SLC24A3: variants seen among roughly 807,000 people sequenced by gnomAD.
SLC24A3 encodes solute carrier family 24 member 3, also known as sodium/potassium/calcium exchanger 3.
SLC24A3 carries 28 observed loss-of-function variants against 75.8 expected under a neutral mutation model. That is an observed-to-expected ratio of 0.37 (90% CI 0.27 to 0.51). The LOEUF (loss-of-function observed/expected upper bound fraction) is 0.51. Among genes scored for constraint, SLC24A3 ranks in the 20% least tolerant of loss-of-function variants. SLC24A3 has a pLI of 0.94. For synonymous variants in SLC24A3, 372 were observed against 334.1 expected (o/e 1.11, Z -1.24); for missense variants, 663 against 847.8 (o/e 0.78, Z 2.71).
chr20:19,635,224 G>A (rs11906347), intron 6 of SLC24A3, among the ~76,000 whole-genome samples: 2,327 of 152,336 alleles, frequency 0.015, 32 homozygotes, highest in African/African-American at 0.034. Flanking sequence ...AATGCATAGC[G>A]AGAGTAGTCT....
chr20:19,373,200 G>C (rs6136696), intron 2 of SLC24A3, among the ~76,000 whole-genome samples: 8,689 of 152,018 alleles, frequency 0.057, 693 homozygotes, highest in East Asian at 0.3. Flanking sequence ...GTTTGTTGCT[G>C]GTGTTTAGTT....
intron 3 of SLC24A3, among the ~76,000 whole-genome samples, chr20:19,577,039 T>C (rs1321452055): frequency 6.6e-6 from 1 of 152,096 alleles, no homozygotes; most frequent in Admixed American, 6.5e-5. Flanking sequence ...ACAGCAAGAA[T>C]TATTCTTAAT....
At chr20:19,355,700 T>C (rs1985667055) in intron 2 of SLC24A3, among the ~76,000 whole-genome samples, 1 of 152,220 alleles carries the variant, frequency 6.6e-6, no homozygotes, top group Non-Finnish European at 1.5e-5. Context: ...AACCTGGTGG[T>C]GAAGGAATGT....
intron 6 of SLC24A3, among the ~76,000 whole-genome samples, chr20:19,636,605 C>A (rs1005511013): frequency 1.3e-5 from 2 of 152,178 alleles, no homozygotes; most frequent in Admixed American, 1.3e-4. Flanking sequence ...ACACACCCTA[C>A]AGTGAAGCTT....
In SLC24A3 at chr20:19,281,033, A is replaced by G; in HGVS notation, c.217A>G (p.Thr73Ala). 2 of 1,614,080 alleles carry G rather than the reference A, an allele frequency of 1.2e-6. No homozygotes were observed. The highest frequency in any genetic ancestry group is 1.7e-6 in the Non-Finnish European group (2 of 1,180,002). The stretch of plus-strand genomic sequence containing the variant: ...GAGGAAGCTGATGCAGGTGAACGAC[A>G]CTCTGACTTCCGAAGATGCCGGACT... ...MARKLMQVND[T>A]LTSEDAGLRN... The change falls in exon 2 of 17, where the codon ACT (threonine) becomes GCT (alanine). Residue 73 changes from threonine (T) to alanine (A), a missense_variant. This residue lies in a region of SLC24A3 where 153 missense variants were observed against 144.2 expected (regional missense o/e 1.06). Coordinates refer to ENST00000328041, the MANE Select transcript of SLC24A3 (RefSeq NM_020689.4).
At chr20:19,461,667 G>T (rs565713780) in intron 2 of SLC24A3, among the ~76,000 whole-genome samples, 1 of 151,478 alleles carries the variant, frequency 6.6e-6, no homozygotes, top group African/African-American at 2.4e-5. Context: ...CAGGTAGCTG[G>T]GATAACAAGT....
At chr20:19,285,642 CTG>C (rs1467205419) in intron 2 of SLC24A3, among the ~76,000 whole-genome samples, 1 of 149,760 alleles carries the variant, frequency 6.7e-6, no homozygotes, top group Admixed American at 6.6e-5. Context: ...TTCCAGCTCT[CTG>C]TGAATTTTTA....
chr20:19,321,695 G>A (rs1455780987), intron 2 of SLC24A3, among the ~76,000 whole-genome samples: 1 of 152,198 alleles, frequency 6.6e-6, no homozygotes, highest in Non-Finnish European at 1.5e-5. Flanking sequence ...AGAAGATGCT[G>A]TAAAGTTTTG....
intron 2 of SLC24A3, among the ~76,000 whole-genome samples, chr20:19,431,222 A>T (rs1987096612): frequency 6.6e-6 from 1 of 151,882 alleles, no homozygotes; most frequent in Non-Finnish European, 1.5e-5. Flanking sequence ...GGGTCCTCCG[A>T]GAAACAGATG....
chr20:19,384,583 G>T (rs1986239749), intron 2 of SLC24A3, among the ~76,000 whole-genome samples: 1 of 152,178 alleles, frequency 6.6e-6, no homozygotes, highest in Non-Finnish European at 1.5e-5. Flanking sequence ...TCTGTAGGTA[G>T]ATGGACACTT....
At chr20:19,455,459 G>A (rs1047147238) in intron 2 of SLC24A3, among the ~76,000 whole-genome samples, 5 of 152,154 alleles carry the variant, frequency 3.3e-5, no homozygotes, top group Non-Finnish European at 7.3e-5. Context: ...ATAAATGTAT[G>A]TAAACAGATT....
intron 2 of SLC24A3, among the ~76,000 whole-genome samples, chr20:19,412,072 A>G (rs1021000852): frequency 6.6e-6 from 1 of 152,182 alleles, no homozygotes; most frequent in African/African-American, 2.4e-5. Flanking sequence ...TGAAAATATG[A>G]AATTACAGTA....
At chr20:19,447,930 G>A (rs947580122) in intron 2 of SLC24A3, among the ~76,000 whole-genome samples, 1 of 152,238 alleles carries the variant, frequency 6.6e-6, no homozygotes, top group Non-Finnish European at 1.5e-5. Context: ...GCATACATGC[G>A]TGAATGAATG....
intron 2 of SLC24A3, among the ~76,000 whole-genome samples, chr20:19,501,416 A>G (rs1284189810): frequency 6.6e-6 from 1 of 152,226 alleles, no homozygotes; most frequent in East Asian, 1.9e-4. Flanking sequence ...AAGCTTCACA[A>G]GTTTCTCTAG....
rs2029954427 is a variant in SLC24A3, at chr20:19,514,934, A to G, written c.272-554A>G. Among the ~76,000 whole-genome samples, 3 of 152,190 alleles carry G rather than the reference A, an allele frequency of 2.0e-5. No homozygotes were observed. In the South Asian group the frequency reaches 6.2e-4, roughly 32 times the overall value. On this transcript the variant is annotated intron_variant, in intron 2 of 16. Transcript: ENST00000328041. Reference sequence around the variant, plus strand: ...CCCTAAGCCAGGTCAGGCAAAGTGGAAAAGGAGCAAAATGAAGACCCACTT... The same window carrying G: ...CCCTAAGCCAGGTCAGGCAAAGTGGGAAAGGAGCAAAATGAAGACCCACTT...
intron 3 of SLC24A3, among the ~76,000 whole-genome samples, chr20:19,531,682 G>A (rs1459494024): frequency 6.6e-6 from 1 of 152,180 alleles, no homozygotes; most frequent in African/African-American, 2.4e-5. Flanking sequence ...GAAGAGCTTT[G>A]GAAACCAGTG....
intron 3 of SLC24A3, among the ~76,000 whole-genome samples, chr20:19,550,316 T>C (rs1028416133): frequency 2.0e-5 from 3 of 152,246 alleles, no homozygotes; most frequent in Non-Finnish European, 4.4e-5. Context: ...AAAACATTTG[T>C]TCTACTAATG....
At chr20:19,375,402 T>C (rs993157226) in intron 2 of SLC24A3, among the ~76,000 whole-genome samples, 1 of 152,208 alleles carries the variant, frequency 6.6e-6, no homozygotes, top group Non-Finnish European at 1.5e-5. Flanking sequence ...CACTCCATCA[T>C]GAACCGCACG....
intron 6 of SLC24A3, among the ~76,000 whole-genome samples, chr20:19,621,222 C>G (rs1371735750): frequency 2.0e-5 from 3 of 152,188 alleles, no homozygotes; most frequent in African/African-American, 4.8e-5. Context: ...CTTTGTGCAG[C>G]AGTCATGCAG....
Sources: allele counts gnomAD v4.1 joint callset (sites outside exome capture counted in the v4.1 genomes callset), GRCh38; gene constraint gnomAD v4.1.1; regional missense constraint gnomAD v4.1.1; transcripts MANE v1.5; gene names NCBI Gene and HGNC (gene_info 2026-07-23, HGNC 2026-07-21).